TECTA: variants seen among roughly 807,000 people sequenced by gnomAD.
TECTA encodes the protein tectorin alpha.
TECTA carries 128 observed loss-of-function variants against 216.8 expected under a neutral mutation model. The observed-to-expected ratio is 0.59, with a 90% CI of 0.51 to 0.68. The LOEUF (loss-of-function observed/expected upper bound fraction) is 0.68, where lower values mean the gene tolerates loss of function less well. Among genes scored for constraint, TECTA ranks in the 30% least tolerant of loss-of-function variants. The pLI is 0.00. For synonymous variants in TECTA, 1,089 were observed against 1,117.1 expected (o/e 0.97, Z 0.50); for missense variants, 2,551 against 2,786.2 (o/e 0.92, Z 1.90).
chr11:121,122,644 T>A (rs769874033), intron 7 of TECTA, among the ~76,000 whole-genome samples: 13 of 116,812 alleles, frequency 1.1e-4, no homozygotes, highest in Non-Finnish European at 2.1e-4. Flanking sequence ...AAGACCACCC[T>A]GGGCAGCATG....
chr11:121,136,917 C>G (rs763951979), intron 10 of TECTA, among the ~76,000 whole-genome samples: 3 of 152,230 alleles, frequency 2.0e-5, no homozygotes, highest in Non-Finnish European at 4.4e-5. Context: ...GTGCCTAGGA[C>G]AGTGCCTGGC....
rs753325981 is a variant in TECTA at position 121,146,102 on chromosome 11, A to G, written c.4091A>G (p.Asn1364Ser). 1 of 1,609,518 alleles carries G rather than the reference A, an allele frequency of 6.2e-7. No homozygotes were observed. Among genetic ancestry groups the G allele is most frequent in the East Asian group, 2.2e-5 (1 of 44,886 alleles). ...GGGATTACGGTGACTGGCTGGAGGA[A>G]TTACACGTCCTGCAGTGAGTCCTTC... is the stretch of plus-strand genomic sequence containing the variant. ...TQGITVTGWRNYTSCTVTCPP... is the reference protein window; with the variant it reads ...TQGITVTGWRSYTSCTVTCPP... Residue 1364 changes from asparagine (N) to serine (S), a missense_variant, in exon 12 of 24, where the codon AAT becomes AGT. Coordinates refer to ENST00000392793, the MANE Select transcript of TECTA (RefSeq NM_005422.4).
rs1262254337 is a variant in TECTA, at chr11:121,129,984, T to G, written c.2714T>G (p.Phe905Cys). The part of the protein sequence containing the change: ...ACNNDSELLK[F>C]YRSRSRCGII... ...AACAATGACTCGGAGCTGCTCAAGT[T>G]TTATCGAAGCCGCTCCAGGTGCGGC... The change falls in exon 10 of 24, where the codon TTT becomes TGT. Residue 905 changes from phenylalanine (F) to cysteine (C), a missense_variant. Physicochemically the swap from Phe to Cys is radical, Grantham distance 205. Around this residue, in one of 3 missense-constraint regions of TECTA, gnomAD observed 2,375 missense variants for 2,563.9 expected, o/e 0.93. Coordinates refer to ENST00000392793, the MANE Select transcript of TECTA (RefSeq NM_005422.4). 1 of 1,605,334 alleles carries G rather than the reference T, an allele frequency of 6.2e-7. No homozygotes were observed. The highest frequency in any genetic ancestry group is 8.5e-7 in the Non-Finnish European group (1 of 1,174,502).
At chr11:121,134,643 G>C (rs1462206020) in intron 10 of TECTA, among the ~76,000 whole-genome samples, 1 of 151,088 alleles carries the variant, frequency 6.6e-6, no homozygotes, top group East Asian at 1.9e-4. Context: ...CACGATCTCT[G>C]TTTCTGCTCC....
In TECTA at chr11:121,187,968, G is replaced by A. The variant is rs769561057; in HGVS notation, c.6136G>A (p.Asp2046Asn). 9.2e-5 allele frequency: 148 copies of A among 1,614,018 alleles called. No homozygotes were observed. Among genetic ancestry groups the A allele is most frequent in the Middle Eastern group, 3.3e-4 (2 of 6,084 alleles). ...CCTTCACTGTGCAGTGTCACTCTGC[G>A]ACTCAGAAAAGTACTCCTGTAAAAT... ...VHLHCAVSLC[D>N]SEKYSCKITC... is the part of the protein sequence containing the mutation. The change falls in exon 21 of 24, where the codon GAC becomes AAC. Residue 2046 changes from aspartate (D) to asparagine (N), a missense_variant. By Grantham distance (23) the Asp-to-Asn change is conservative (BLOSUM62 1). Around this residue, in one of 3 missense-constraint regions of TECTA, gnomAD observed 58 missense variants for 105.9 expected, o/e 0.55. Transcript: ENST00000392793.
chr11:121,165,326 G>A lies in TECTA; in HGVS notation c.5326G>A (p.Glu1776Lys), dbSNP rs1418011992. 2.5e-6 allele frequency: 4 copies of A among 1,608,744 alleles called. No individual in the cohort carries two copies. The highest frequency in any genetic ancestry group is 1.1e-5 in the South Asian group (1 of 89,272). Residue 1776 changes from glutamate (E) to lysine (K), a missense_variant, in exon 17 of 24, where the codon GAG (glutamate) becomes AAG (lysine). By Grantham distance (56) the Glu-to-Lys change is moderately conservative (BLOSUM62 1). Coordinates refer to ENST00000392793, the MANE Select transcript of TECTA (RefSeq NM_005422.4). ...VGADCPNRTC[E>K]LGNGRELCGC... ...GGCGGACTGTCCCAACCGAACTTGC[G>A]AGCTGGGCAATGGCAGGGAGCTGTG...
At chr11:121,102,482 G>A (rs969357484) in intron 1 of TECTA, among the ~76,000 whole-genome samples, 183 bp from the exon 2 acceptor site, 1 of 152,122 alleles carries the variant, frequency 6.6e-6, no homozygotes, top group African/African-American at 2.4e-5. Context: ...ATGAAGTGTT[G>A]AACTTCGGAG....
chr11:121,160,481 G>C, intron 15 of TECTA, 60 bp downstream of exon 15: 1 of 1,593,480 alleles, frequency 6.3e-7, no homozygotes, highest in Non-Finnish European at 8.5e-7. Flanking sequence ...CACGTCCATG[G>C]GTGGTGTGAA....
chr11:121,109,480 A>AG lies in TECTA; in HGVS notation c.470dup (p.Ser158GlnfsTer55), dbSNP rs771857809. On this transcript the variant is annotated frameshift_variant, in exon 4 of 24. Transcript: ENST00000392793. LOFTEE classifies it high-confidence loss of function. ...CATGGGAGGAAGTCACGTTTTATGG[A>AG]GGCAGCAGCACCACACCTGTAATAA... 1 of 1,614,030 alleles carries AG rather than the reference A, an allele frequency of 6.2e-7. No homozygotes were observed. Among genetic ancestry groups the AG allele is most frequent in the Non-Finnish European group, 8.5e-7 (1 of 1,180,024 alleles).
chr11:121,137,044 A>C (rs651365), intron 10 of TECTA, among the ~76,000 whole-genome samples: 3,972 of 152,288 alleles, frequency 0.026, 158 homozygotes, highest in African/African-American at 0.09. Context: ...CTCCCAAATG[A>C]GGATGACTAC....
chr11:121,175,822 C>G (rs1947160261), intron 20 of TECTA, among the ~76,000 whole-genome samples: 1 of 152,170 alleles, frequency 6.6e-6, no homozygotes, highest in African/African-American at 2.4e-5. Flanking sequence ...GTGTGGGAGT[C>G]TAAGTCTCTT....
chr11:121,125,965 T>C, intron 8 of TECTA, 93 bp downstream of exon 8: 1 of 1,430,132 alleles, frequency 7.0e-7, no homozygotes, highest in Non-Finnish European at 9.6e-7. Context: ...TGTTAAGACT[T>C]GTGACCCAAG....
Position 121,160,302 on chromosome 11 carries a change from C to A in TECTA, c.4857C>A (p.Cys1619Ter), listed in dbSNP as rs764153521. ...GCGAGAGGCTGCAGAACAAAGTGTG[C>A]GGTCTCTGTGGCAACTTCAACGGGG... ...SISERLQNKV[C>*]GLCGNFNGDL... Residue 1619 changes from cysteine to a stop codon, truncating the protein, a stop_gained, in exon 15 of 24, where the codon TGC (cysteine) becomes TGA (stop). Transcript: ENST00000392793. LOFTEE classifies it high-confidence loss of function. The A allele has an allele frequency of 6.2e-7, 1 of 1,614,146 alleles. No individual in the cohort carries two copies. Among genetic ancestry groups the A allele is most frequent in the Non-Finnish European group, 8.5e-7 (1 of 1,180,048 alleles).
At chr11:121,159,427 G>A (rs1449374038) in intron 14 of TECTA, among the ~76,000 whole-genome samples, 2 of 152,064 alleles carry the variant, frequency 1.3e-5, no homozygotes, top group Non-Finnish European at 2.9e-5. Flanking sequence ...TTTTGAAAAA[G>A]GTGCCTACTT....
intron 20 of TECTA, among the ~76,000 whole-genome samples, chr11:121,170,174 T>C (rs1947096681): frequency 6.6e-6 from 1 of 152,162 alleles, no homozygotes; most frequent in African/African-American, 2.4e-5. Flanking sequence ...TTGTTGCAAA[T>C]GATAGGATTT....
intron 23 of TECTA, 55 bp downstream of exon 23, chr11:121,189,935 C>G (rs1947325798): frequency 1.4e-6 from 2 of 1,442,340 alleles, no homozygotes; most frequent in Non-Finnish European, 1.9e-6. Flanking sequence ...AGGTTCTTTA[C>G]CACCAGAAGG....
At chr11:121,135,640 G>A (rs150381852) in intron 10 of TECTA, among the ~76,000 whole-genome samples, 1,793 of 152,268 alleles carry the variant, frequency 0.012, 48 homozygotes, top group African/African-American at 0.041. Flanking sequence ...CTGTTGTATC[G>A]GTACTTGTGG....
intron 14 of TECTA, 136 bp from the exon 15 acceptor site, chr11:121,159,999 C>A: frequency 1.1e-6 from 1 of 922,100 alleles, no homozygotes; most frequent in Non-Finnish European, 1.7e-6. Flanking sequence ...TGTCATGCTG[C>A]AGGGACAGAA....
intron 12 of TECTA, among the ~76,000 whole-genome samples, chr11:121,150,454 G>A (rs1375366207): frequency 5.3e-5 from 8 of 152,030 alleles, no homozygotes; most frequent in Non-Finnish European, 8.8e-5. Context: ...GAACATTTCA[G>A]AACAAATTAT....
Sources: allele counts gnomAD v4.1 joint callset (sites outside exome capture counted in the v4.1 genomes callset), GRCh38; gene constraint gnomAD v4.1.1; regional missense constraint gnomAD v4.1.1; transcripts MANE v1.5; gene names NCBI Gene and HGNC (gene_info 2026-07-23, HGNC 2026-07-21).